RELL1: variants seen among roughly 807,000 people sequenced by gnomAD.
RELL1 encodes RELT-like protein 1.
Under a neutral mutation model 23.0 loss-of-function variants are expected in RELL1, and 10 were observed. That is an observed-to-expected ratio of 0.43 (90% CI 0.27 to 0.74). The LOEUF (loss-of-function observed/expected upper bound fraction) is 0.74, where lower values mean the gene tolerates loss of function less well. RELL1 is among the 30% of genes least tolerant of loss of function. The pLI, the probability that RELL1 is intolerant of heterozygous loss-of-function variation, is 0.19. For synonymous variants in RELL1, 146 were observed against 146.8 expected (o/e 0.99, Z 0.04); for missense variants, 315 against 364.4 (o/e 0.86, Z 1.10).
intron 1 of RELL1, among the ~76,000 whole-genome samples, chr4:37,668,843 A>T (rs1352627051): frequency 6.9e-6 from 1 of 145,194 alleles, no homozygotes; most frequent in Non-Finnish European, 1.5e-5. Flanking sequence ...ATCGTCTGAG[A>T]TGTGGGGAGC....
chr4:37,595,863 G>A (rs1359826382), intron 6 of RELL1, among the ~76,000 whole-genome samples: 1 of 152,164 alleles, frequency 6.6e-6, no homozygotes, highest in Non-Finnish European at 1.5e-5. Flanking sequence ...AAGCAATGGG[G>A]AGCTTGGCCG....
At chr4:37,637,817 C>T (rs921954565) in intron 4 of RELL1, among the ~76,000 whole-genome samples, 1 of 152,222 alleles carries the variant, frequency 6.6e-6, no homozygotes, top group Non-Finnish European at 1.5e-5. Context: ...TGCTCAACAA[C>T]CATAACCTAA....
chr4:37,686,346 A>G lies in RELL1; in HGVS notation c.-59T>C, dbSNP rs1260549720. The G allele has an allele frequency of 5.2e-6, 7 of 1,335,818 alleles. No individual in the cohort carries two copies. Among genetic ancestry groups the G allele is most frequent in the Non-Finnish European group, 6.9e-6 (7 of 1,017,552 alleles). 82.7% of individuals were successfully genotyped at this position (1,335,818 alleles called of 1,614,324 possible). ...CCGCGTCCCGCGCTCGGGAAGGCAG[A>G]GCCGCTCCGGAGCCGGCGGGCTGAT... On this transcript the variant is annotated 5_prime_UTR_variant, in exon 1 of 7. Coordinates refer to ENST00000454158, the MANE Select transcript of RELL1 (RefSeq NM_001085400.2).
intron 6 of RELL1, among the ~76,000 whole-genome samples, chr4:37,628,677 T>C (rs1287879649): frequency 1.3e-5 from 2 of 152,182 alleles, no homozygotes; most frequent in East Asian, 1.9e-4. Context: ...GAGAACCAAC[T>C]ACATTCCAGA....
chr4:37,590,601 G>A (rs1266656088), downstream of RELL1: 1 of 1,614,176 alleles, frequency 6.2e-7, no homozygotes, highest in East Asian at 2.2e-5. Context: ...ATGTCTTCCA[G>A]ATACCAGCCC....
chr4:37,647,509 A>C (rs968811872), intron 2 of RELL1, 70 bp from the exon 3 acceptor site: 1 of 1,030,894 alleles, frequency 9.7e-7, no homozygotes, highest in African/African-American at 1.6e-5. Context: ...CAATCTTAGA[A>C]CCCAAGACCT....
At chr4:37,670,407 G>A (rs1430891392) in intron 1 of RELL1, among the ~76,000 whole-genome samples, 1 of 152,162 alleles carries the variant, frequency 6.6e-6, no homozygotes. Context: ...GTTTCCATTG[G>A]TTGGAGGCAG....
At position 37,598,078 on chromosome 4, in the gene RELL1, A is replaced by ATATATATATAT. The variant is rs1553870664; in HGVS notation, c.*4-6862_*4-6861insATATATATATA. Among the ~76,000 whole-genome samples, 32 of 126,738 alleles carry ATATATATATAT rather than the reference A, an allele frequency of 2.5e-4. No individual in the cohort carries two copies. The East Asian group carries it at 3.0e-3, about 12-fold the overall frequency. The allele number at this position is 126,738 out of a possible 152,430, so 83.1% of individuals were successfully genotyped here. On this transcript the variant is annotated intron_variant, in intron 6 of 6. Coordinates refer to the RELL1 transcript ENST00000314117. Reference sequence around the variant, plus strand: ...ATGATATGTAATATATATATATCATAATATATATATATATATAACTCCTCC... The same window carrying ATATATATATAT: ...ATGATATGTAATATATATATATCATATATATATATATATATATATATATATATAACTCCTCC...
intron 1 of RELL1, among the ~76,000 whole-genome samples, chr4:37,683,877 G>A (rs368997171): frequency 6.6e-6 from 1 of 150,530 alleles, no homozygotes; most frequent in Non-Finnish European, 1.5e-5. Context: ...GTCAGGAGAT[G>A]GAGACCATCC....
rs1479176915 is a variant in RELL1 at position 37,668,775 on chromosome 4, G to A, written c.88+17425C>T. Among the ~76,000 whole-genome samples, 4 of 131,708 alleles carry A rather than the reference G, an allele frequency of 3.0e-5. No homozygotes were observed. In the East Asian group the frequency reaches 5.9e-4, roughly 19 times the overall value. 86.4% of individuals were successfully genotyped at this position (131,708 alleles called of 152,430 possible). Reference sequence around the variant, plus strand: ...CCATCCCATCTAGGAAGTGAGGAGCGCCTCTTCCCGGCCGCCACCCCATCT... The same window carrying A: ...CCATCCCATCTAGGAAGTGAGGAGCACCTCTTCCCGGCCGCCACCCCATCT... On this transcript the variant is annotated intron_variant, in intron 1 of 6. Coordinates refer to ENST00000454158, the MANE Select transcript of RELL1 (RefSeq NM_001085400.2).
chr4:37,624,349 C>T (rs1038077635), intron 6 of RELL1, among the ~76,000 whole-genome samples: 1 of 151,894 alleles, frequency 6.6e-6, no homozygotes, highest in East Asian at 1.9e-4. Flanking sequence ...GTCAGCAAAA[C>T]TTTTCCATCT....
chr4:37,634,918 G>C lies in RELL1; in HGVS notation c.649C>G (p.Gln217Glu), dbSNP rs1322413168. The C allele has an allele frequency of 3.7e-6, 6 of 1,614,142 alleles. No homozygotes were observed. The Admixed American group carries it at 1.0e-4, about 27-fold the overall frequency. ...NKSRESRPRR[Q>E]GEVTVLSVGR... ...ACAGAAAGGACCGTGACCTCGCCTT[G>C]GCGCCGTGGTCTGCTCTCTCTGGAC... The change falls in exon 5 of 7, where the codon CAA (glutamine) becomes GAA (glutamate). Residue 217 changes from glutamine to glutamate, a missense_variant. Physicochemically the swap from Gln to Glu is conservative, Grantham distance 29 (BLOSUM62 2). Coordinates refer to ENST00000454158, the MANE Select transcript of RELL1 (RefSeq NM_001085400.2).
chr4:37,615,982 A>C (rs1004244804), intron 6 of RELL1, among the ~76,000 whole-genome samples: 2 of 152,202 alleles, frequency 1.3e-5, no homozygotes, highest in African/African-American at 4.8e-5. Flanking sequence ...TCTCTAGAAA[A>C]AAAAAAGAAA....
At chr4:37,628,225 G>T (rs1195071868) in intron 6 of RELL1, among the ~76,000 whole-genome samples, 6 of 152,118 alleles carry the variant, frequency 3.9e-5, no homozygotes, top group Admixed American at 3.3e-4. Flanking sequence ...CTTGGACCCA[G>T]TTGAATGAAG....
intron 4 of RELL1, among the ~76,000 whole-genome samples, chr4:37,636,678 A>C (rs1720343487): frequency 6.6e-6 from 1 of 152,060 alleles, no homozygotes; most frequent in African/African-American, 2.4e-5. Flanking sequence ...GGCCCAGCAG[A>C]AAAGGAGGAA....
intron 6 of RELL1, among the ~76,000 whole-genome samples, chr4:37,619,190 A>T (rs1379806832): frequency 1.0e-4 from 11 of 110,140 alleles, no homozygotes; most frequent in African/African-American, 3.2e-4. Flanking sequence ...CCTGCACCAC[A>T]TTTTTTTTTT....
rs529155989 is a variant in RELL1 at position 37,613,246 on chromosome 4, A to T, written c.*100T>A. 6.6e-6 allele frequency: 1 copy of T among 152,188 alleles called. No homozygotes were observed. The highest frequency in any genetic ancestry group is 1.5e-5 in the Non-Finnish European group (1 of 68,042). 9.4% of individuals were successfully genotyped at this position (152,188 alleles called of 1,614,324 possible). ...TTAGGTTTTATCCACGTGCCTGCTGACTCCATGATAGAAACTGTATAAAAT... is the reference window on the plus strand; with the variant it reads ...TTAGGTTTTATCCACGTGCCTGCTGTCTCCATGATAGAAACTGTATAAAAT... On this transcript the variant is annotated 3_prime_UTR_variant, in exon 7 of 7. Coordinates refer to ENST00000454158, the MANE Select transcript of RELL1 (RefSeq NM_001085400.2).
intron 3 of RELL1, among the ~76,000 whole-genome samples, chr4:37,644,492 C>T (rs957737473): frequency 3.0e-5 from 4 of 134,252 alleles, no homozygotes; most frequent in African/African-American, 1.0e-4. Flanking sequence ...GACAGAGTCT[C>T]ACTCTGTCGC....
chr4:37,621,021 A>C (rs1719743538), intron 6 of RELL1, among the ~76,000 whole-genome samples: 2 of 152,220 alleles, frequency 1.3e-5, no homozygotes, highest in African/African-American at 4.8e-5. Flanking sequence ...GACAGCCAAG[A>C]TCTTGAGCGC....
Sources: gnomAD v4.1 joint callset for allele counts (sites outside exome capture counted in the v4.1 genomes callset) on GRCh38, gnomAD v4.1.1 for gene constraint, MANE v1.5 for transcripts, NCBI Gene and HGNC (gene_info 2026-07-23, HGNC 2026-07-21) for gene names.